TRDN: variants seen among roughly 807,000 people sequenced by gnomAD.
TRDN encodes triadin.
A neutral mutation model predicts 149.7 loss-of-function variants in TRDN; 161 were observed. The observed-to-expected ratio is 1.08, with a 90% CI of 0.95 to 1.23. The LOEUF (loss-of-function observed/expected upper bound fraction) is 1.23. Ranked by LOEUF, TRDN falls within the 50% of genes most tolerant of loss-of-function variation. The pLI, the probability that TRDN is intolerant of heterozygous loss-of-function variation, is 0.00. For synonymous variants in TRDN, 294 were observed against 250.5 expected (o/e 1.17, Z -1.64); for missense variants, 896 against 823.5 (o/e 1.09, Z -1.08).
chr6:123,472,362 C>T (rs187563800), intron 9 of TRDN, among the ~76,000 whole-genome samples: 58 of 152,338 alleles, frequency 3.8e-4, no homozygotes, highest in African/African-American at 1.2e-3. Flanking sequence ...CCGAATACTG[C>T]GCTTTTCCGA....
intron 4 of TRDN, among the ~76,000 whole-genome samples, chr6:123,540,273 A>T (rs1780760332): frequency 1.3e-5 from 2 of 152,178 alleles, no homozygotes; most frequent in Non-Finnish European, 2.9e-5. Flanking sequence ...GAGGAAGAGA[A>T]CAGGCTCTTC....
At chr6:123,529,615 G>A (rs1186612301) in intron 5 of TRDN, among the ~76,000 whole-genome samples, 4 of 152,000 alleles carry the variant, frequency 2.6e-5, no homozygotes, top group African/African-American at 7.2e-5. Flanking sequence ...TTTACTAGCT[G>A]CAACTGTGGT....
intron 4 of TRDN, among the ~76,000 whole-genome samples, chr6:123,544,822 G>A (rs896160439): frequency 1.3e-5 from 2 of 151,880 alleles, no homozygotes; most frequent in African/African-American, 2.4e-5. Context: ...ATACCCTGAA[G>A]CTATATTTAT....
intron 24 of TRDN, among the ~76,000 whole-genome samples, chr6:123,305,014 T>C (rs1475293091): frequency 6.6e-6 from 1 of 152,172 alleles, no homozygotes; most frequent in Non-Finnish European, 1.5e-5. Context: ...TTTGCAAATA[T>C]TTTTATGGCA....
intron 1 of TRDN, among the ~76,000 whole-genome samples, chr6:123,603,923 C>T (rs1784396410): frequency 6.6e-6 from 1 of 152,106 alleles, no homozygotes; most frequent in Admixed American, 6.6e-5. Flanking sequence ...CAATAATGTA[C>T]TCACCCCTAC....
intron 9 of TRDN, among the ~76,000 whole-genome samples, chr6:123,482,074 CTT>C (rs1014589380): frequency 6.6e-6 from 1 of 152,092 alleles, no homozygotes; most frequent in African/African-American, 2.4e-5. Flanking sequence ...GGGAAAATGT[CTT>C]TCGTTTTTTT....
In TRDN at chr6:123,381,481, C is replaced by T. The variant is rs3813327; in HGVS notation, c.1166-91G>A. The T allele has an allele frequency of 3.0e-3, 3,646 of 1,208,572 alleles. 113 individuals are homozygous for T. In the East Asian group the frequency reaches 0.072, roughly 24 times the overall value. The allele number at this position is 1,208,572 out of a possible 1,614,324, so 74.9% of individuals were successfully genotyped here. The stretch of plus-strand genomic sequence containing the variant: ...ATTGATTAGACTGTAATTTTTCCCA[C>T]CCCTCCTTCCAATTTTCTCTCCTTA... On this transcript the variant is annotated intron_variant, in intron 15 of 40. Coordinates refer to ENST00000334268, the MANE Select transcript of TRDN (RefSeq NM_006073.4).
intron 32 of TRDN, among the ~76,000 whole-genome samples, chr6:123,266,121 TTATA>T (rs1192233288): frequency 8.4e-6 from 1 of 119,522 alleles, no homozygotes; most frequent in Non-Finnish European, 1.6e-5. Flanking sequence ...GTATTATATA[TTATA>T]TATATTATAA....
At chr6:123,362,771 A>G (rs1343913570) in intron 20 of TRDN, among the ~76,000 whole-genome samples, 1 of 152,160 alleles carries the variant, frequency 6.6e-6, no homozygotes, top group African/African-American at 2.4e-5. Context: ...AGGCCAGCTT[A>G]GTGACTTAAT....
At chr6:123,449,959 A>G (rs947772972) in intron 10 of TRDN, among the ~76,000 whole-genome samples, 1 of 152,192 alleles carries the variant, frequency 6.6e-6, no homozygotes. Flanking sequence ...TTTTGTATCC[A>G]GTGAAACTAA....
chr6:123,582,283 A>G (rs773915627), intron 1 of TRDN, among the ~76,000 whole-genome samples: 7 of 152,176 alleles, frequency 4.6e-5, no homozygotes, highest in Non-Finnish European at 1.0e-4. Context: ...ATTATCTAAC[A>G]ACCCAGAATC....
At chr6:123,330,432 G>A (rs1562264719) in intron 23 of TRDN, among the ~76,000 whole-genome samples, 2 of 151,860 alleles carry the variant, frequency 1.3e-5, no homozygotes, top group Non-Finnish European at 2.9e-5. Context: ...CGATTTATCT[G>A]CCTGTTGGAC....
intron 12 of TRDN, among the ~76,000 whole-genome samples, chr6:123,400,681 G>C (rs974795889): frequency 6.6e-5 from 10 of 152,194 alleles, no homozygotes; most frequent in Admixed American, 5.9e-4. Context: ...TTACATATAA[G>C]GTAGAGAGAG....
intron 4 of TRDN, among the ~76,000 whole-genome samples, chr6:123,545,656 T>A (rs1204206771): frequency 2.6e-5 from 4 of 151,940 alleles, no homozygotes; most frequent in Non-Finnish European, 5.9e-5. Flanking sequence ...TTAAGGACAT[T>A]AGTGCACATG....
At chr6:123,567,816 T>C (rs532040934) in intron 2 of TRDN, among the ~76,000 whole-genome samples, 1 of 152,312 alleles carries the variant, frequency 6.6e-6, no homozygotes, top group South Asian at 2.1e-4. Flanking sequence ...CATGAGATTA[T>C]ATGGGACACA....
intron 12 of TRDN, among the ~76,000 whole-genome samples, chr6:123,395,779 C>T (rs917272438): frequency 2.6e-5 from 4 of 152,036 alleles, no homozygotes; most frequent in African/African-American, 7.2e-5. Flanking sequence ...CATGTTTGTC[C>T]CTCATAACTC....
intron 14 of TRDN, among the ~76,000 whole-genome samples, chr6:123,388,011 A>G (rs573631031): frequency 5.2e-4 from 79 of 152,172 alleles, no homozygotes; most frequent in Admixed American, 1.5e-3. Flanking sequence ...CCAATATTGC[A>G]TATTGATTAT....
At chr6:123,249,288 T>A (rs985538481) in intron 38 of TRDN, among the ~76,000 whole-genome samples, 1 of 152,018 alleles carries the variant, frequency 6.6e-6, no homozygotes, top group Non-Finnish European at 1.5e-5. Flanking sequence ...AAAAAATATG[T>A]TGACGAGGAT....
At chr6:123,258,427 T>C (rs960096203) in intron 35 of TRDN, among the ~76,000 whole-genome samples, 2 of 152,154 alleles carry the variant, frequency 1.3e-5, no homozygotes, top group East Asian at 3.8e-4. Context: ...GTTTATGTGA[T>C]GGATTACATT....
Sources: gnomAD v4.1 joint callset for allele counts (sites outside exome capture counted in the v4.1 genomes callset) on GRCh38, gnomAD v4.1.1 for gene constraint, MANE v1.5 for transcripts, NCBI Gene and HGNC (gene_info 2026-07-23, HGNC 2026-07-21) for gene names.